Variants in GALNT18 observed in about 807,000 individuals in gnomAD.
GALNT18 encodes the protein polypeptide N-acetylgalactosaminyltransferase 18, also known as GalNAc-transferase 18.
Under a neutral mutation model 69.5 loss-of-function variants are expected in GALNT18, and 44 were observed. The ratio of observed to expected loss-of-function variants is 0.63; its 90% CI spans 0.50 to 0.81. The LOEUF is 0.81. GALNT18 is among the 40% of genes least tolerant of loss of function. The pLI is 0.00. For missense variants in GALNT18, 715 were observed against 810.0 expected (o/e 0.88, Z 1.42); for synonymous variants, 364 against 318.2 (o/e 1.14, Z -1.53).
At chr11:11,612,542 C>T (rs908676575) in intron 1 of GALNT18, among the ~76,000 whole-genome samples, 3 of 152,210 alleles carry the variant, frequency 2.0e-5, no homozygotes, top group South Asian at 2.1e-4. Context: ...AGCCAAGCTT[C>T]GAATCCTGTC....
chr11:11,525,930 G>A (rs935150024), intron 1 of GALNT18, among the ~76,000 whole-genome samples: 5 of 152,062 alleles, frequency 3.3e-5, no homozygotes, highest in African/African-American at 1.2e-4. Context: ...CACCGTGCCC[G>A]GCCACGCATA....
At position 11,613,034 on chromosome 11, in the gene GALNT18, C is replaced by T. The variant is rs568119322; in HGVS notation, c.235+8325G>A. On this transcript the variant is annotated intron_variant, in intron 1 of 10. Transcript: ENST00000227756. The surrounding 1 kb of genome is among the most constrained non-coding windows in gnomAD (Gnocchi z 4.2). ...TTTCCACTAGCATCATTAAGGACAG[C>T]TTCATCTCCCAAAAATAAACCTTCC... Among the ~76,000 whole-genome samples the T allele has an allele frequency of 4.6e-5, 7 of 152,290 alleles. No individual in the cohort carries two copies. The highest frequency in any genetic ancestry group is 1.7e-4 in the African/African-American group (7 of 41,554).
At chr11:11,422,205 A>G (rs1855026182) in intron 3 of GALNT18, among the ~76,000 whole-genome samples, 1 of 152,222 alleles carries the variant, frequency 6.6e-6, no homozygotes, top group African/African-American at 2.4e-5. Context: ...TCATTACAGT[A>G]AGAGCTTGGG....
At chr11:11,399,088 C>T (rs759249642) in intron 3 of GALNT18, among the ~76,000 whole-genome samples, 1 of 152,090 alleles carries the variant, frequency 6.6e-6, no homozygotes. Flanking sequence ...GAAGGTGGGA[C>T]CTTTGAGAGG....
intron 1 of GALNT18, among the ~76,000 whole-genome samples, chr11:11,581,167 T>C (rs2133908465): frequency 6.6e-6 from 1 of 152,324 alleles, no homozygotes; most frequent in African/African-American, 2.4e-5. Context: ...AAAAGTGCCC[T>C]GAGGCCTGAG....
In GALNT18 at chr11:11,314,379, CT is replaced by C. The variant is rs1310395326; in HGVS notation, c.1512+12706del. On this transcript the variant is annotated intron_variant, in intron 9 of 10. Coordinates refer to ENST00000227756, the MANE Select transcript of GALNT18 (RefSeq NM_198516.3). The surrounding 1 kb of genome is among the most constrained non-coding windows in gnomAD (Gnocchi z 5.2). The stretch of plus-strand genomic sequence containing the variant: ...GTGGAATGAATAACAAATCAAGCAG[CT>C]CCTTTTTTTTTTTTTAGCATGGAAG... Among the ~76,000 whole-genome samples the C allele has an allele frequency of 1.9e-5, 1 of 51,690 alleles. No individual in the cohort carries two copies. The allele number at this position is 51,690 out of a possible 152,430, so 33.9% of individuals were successfully genotyped here. A position where few individuals can be genotyped will look rare whatever the true frequency, so the allele number is the denominator to read the frequency against.
intron 3 of GALNT18, among the ~76,000 whole-genome samples, chr11:11,407,301 G>A (rs1182240089): frequency 6.6e-6 from 1 of 152,202 alleles, no homozygotes; most frequent in Non-Finnish European, 1.5e-5. Flanking sequence ...TGACAGACCA[G>A]GCAAAAGGCT....
At chr11:11,575,979 T>A (rs940313804) in intron 1 of GALNT18, among the ~76,000 whole-genome samples, 2 of 152,114 alleles carry the variant, frequency 1.3e-5, no homozygotes, top group Non-Finnish European at 2.9e-5. Flanking sequence ...GGTGACCTGA[T>A]CCCCAATTTC....
chr11:11,274,528 G>A lies in GALNT18; in HGVS notation c.1678-3238C>T, dbSNP rs1260152560. On this transcript the variant is annotated intron_variant, in intron 10 of 10. Coordinates refer to ENST00000227756, the MANE Select transcript of GALNT18 (RefSeq NM_198516.3). ...TGGGTGAGGGACATCCGCCATTGCTGTGGCCTGAGTAGGTGGGTTTTTAAA... is the reference window on the plus strand; with the variant it reads ...TGGGTGAGGGACATCCGCCATTGCTATGGCCTGAGTAGGTGGGTTTTTAAA... Among the ~76,000 whole-genome samples the A allele has an allele frequency of 3.3e-5, 5 of 152,208 alleles. No individual in the cohort carries two copies. In the East Asian group the frequency reaches 9.6e-4, roughly 29 times the overall value.
Position 11,293,037 on chromosome 11 carries a change from A to G in GALNT18, c.1669T>C (p.Phe557Leu). The change falls in exon 10 of 11, where the codon TTC (phenylalanine) becomes CTC (leucine). Residue 557 changes from phenylalanine (F) to leucine (L), a missense_variant. Phe to Leu is a conservative substitution (Grantham distance 22). Transcript: ENST00000227756. The part of the protein sequence containing the change: ...KAKRMKLHWQ[F>L]SQGGPIQNRK... ...GGCTCTGGGGCTGTTACCTGAGAGA[A>G]CTGCCAGTGAAGCTTCATCCTCTTG... 3 of 1,376,020 alleles carry G rather than the reference A, an allele frequency of 2.2e-6. No individual in the cohort carries two copies. Among genetic ancestry groups the G allele is most frequent in the Non-Finnish European group, 2.8e-6 (3 of 1,055,340 alleles). 85.2% of individuals were successfully genotyped at this position (1,376,020 alleles called of 1,614,324 possible). A position where few individuals can be genotyped will look rare whatever the true frequency, so the allele number is the denominator to read the frequency against.
chr11:11,343,593 A>C (rs992073289), intron 6 of GALNT18, among the ~76,000 whole-genome samples: 1 of 152,130 alleles, frequency 6.6e-6, no homozygotes. Flanking sequence ...AGACCTGTAC[A>C]TTCTGGGGAC....
At chr11:11,327,811 T>C (rs1849950847) in intron 8 of GALNT18, among the ~76,000 whole-genome samples, 1 of 152,204 alleles carries the variant, frequency 6.6e-6, no homozygotes, top group African/African-American at 2.4e-5. Flanking sequence ...AGACAGCTTA[T>C]ATTCAATGTT....
chr11:11,426,847 G>C (rs553214012), intron 3 of GALNT18, among the ~76,000 whole-genome samples: 2 of 152,310 alleles, frequency 1.3e-5, no homozygotes, highest in South Asian at 4.1e-4. Context: ...AGGGTAGAGG[G>C]GAGGGGGTAG....
chr11:11,560,193 T>TG (rs374608556), intron 1 of GALNT18, among the ~76,000 whole-genome samples: 983 of 4,574 alleles, frequency 0.21, 1 homozygote, highest in East Asian at 0.25. Flanking sequence ...TATGATGGGA[T>TG]GGGTGAGATA....
chr11:11,334,118 C>G (rs1246580269), intron 7 of GALNT18, among the ~76,000 whole-genome samples: 1 of 152,116 alleles, frequency 6.6e-6, no homozygotes, highest in Non-Finnish European at 1.5e-5. Flanking sequence ...AACATCAACT[C>G]CAGGGATTGA....
At chr11:11,536,664 A>C (rs550946031) in intron 1 of GALNT18, among the ~76,000 whole-genome samples, 2 of 151,538 alleles carry the variant, frequency 1.3e-5, no homozygotes, top group African/African-American at 2.4e-5. Flanking sequence ...AAAAAAAAAA[A>C]CCTCCTGGTC....
chr11:11,285,544 C>T (rs1000627049), intron 10 of GALNT18, among the ~76,000 whole-genome samples: 1 of 152,142 alleles, frequency 6.6e-6, no homozygotes, highest in Non-Finnish European at 1.5e-5. Flanking sequence ...TGCTGACTTC[C>T]ATAAACCAAA....
Position 11,604,212 on chromosome 11 carries a change from A to C in GALNT18, c.235+17147T>G, listed in dbSNP as rs1769041119. Among the ~76,000 whole-genome samples, 1 of 152,242 alleles carries C rather than the reference A, an allele frequency of 6.6e-6. No homozygotes were observed. Among genetic ancestry groups the C allele is most frequent in the African/African-American group, 2.4e-5 (1 of 41,464 alleles). Reference sequence around the variant, plus strand: ...TTGTTATAGCAGCCCAAATAGACTAAGATACCACTTTTCAAAGATTGTGTT... The same window carrying C: ...TTGTTATAGCAGCCCAAATAGACTACGATACCACTTTTCAAAGATTGTGTT... On this transcript the variant is annotated intron_variant, in intron 1 of 10. Coordinates refer to ENST00000227756, the MANE Select transcript of GALNT18 (RefSeq NM_198516.3). This position sits in a 1 kb window ranked among gnomAD's most constrained non-coding sequence, Gnocchi z 5.6.
intron 1 of GALNT18, among the ~76,000 whole-genome samples, chr11:11,512,315 C>T (rs1166084763): frequency 6.6e-6 from 1 of 152,252 alleles, no homozygotes; most frequent in Non-Finnish European, 1.5e-5. Flanking sequence ...TTGACCCCAT[C>T]TCACAGCTGT....
Sources: gnomAD v4.1 joint callset for allele counts (sites outside exome capture counted in the v4.1 genomes callset) on GRCh38, gnomAD v4.1.1 for gene constraint, Gnocchi (gnomAD v3.1) non-coding constraint, MANE v1.5 for transcripts, NCBI Gene and HGNC (gene_info 2026-07-23, HGNC 2026-07-21) for gene names.